The following BMPR1B variants were observed in gnomAD, a reference collection of about 807,000 sequenced individuals.
BMPR1B encodes bone morphogenetic protein receptor type 1B.
BMPR1B carries 12 observed loss-of-function variants against 59.1 expected under a neutral mutation model. That is an observed-to-expected ratio of 0.20 (90% CI 0.13 to 0.33). The LOEUF (loss-of-function observed/expected upper bound fraction) is 0.33, where lower values mean the gene tolerates loss of function less well. Among genes scored for constraint, BMPR1B ranks in the 10% least tolerant of loss-of-function variants. The probability of loss-of-function intolerance (pLI) is 1.00; values close to 1 mark genes in which losing one functional copy is unlikely to be tolerated. For synonymous variants in BMPR1B, 237 were observed against 207.3 expected (o/e 1.14, Z -1.23); for missense variants, 550 against 610.9 (o/e 0.90, Z 1.05).
At chr4:94,863,864 A>G (rs192520792) in intron 1 of BMPR1B, among the ~76,000 whole-genome samples, 164 of 152,342 alleles carry the variant, frequency 1.1e-3, no homozygotes, top group African/African-American at 3.5e-3. Flanking sequence ...AATAAGCACA[A>G]CATCTTCTAA....
At position 95,114,703 on chromosome 4, in the gene BMPR1B, G is replaced by A. The variant is rs376913841; in HGVS notation, c.144-17G>A. Reference sequence around the variant, plus strand: ...ACACACACATTCTGTTTCTCACTTTGCTTGTTTGATCTTCAGCACAGACGG... The same window carrying A: ...ACACACACATTCTGTTTCTCACTTTACTTGTTTGATCTTCAGCACAGACGG... On this transcript the variant is annotated splice_polypyrimidine_tract_variant and intron_variant, in intron 4 of 12. Coordinates refer to ENST00000515059, the MANE Select transcript of BMPR1B (RefSeq NM_001203.3). 104 of 1,595,282 alleles carry A rather than the reference G, an allele frequency of 6.5e-5. No individual in the cohort carries two copies. In the African/African-American group the frequency reaches 1.3e-3, roughly 19 times the overall value.
At chr4:94,998,287 G>T (rs1722196313) in intron 3 of BMPR1B, among the ~76,000 whole-genome samples, 1 of 151,744 alleles carries the variant, frequency 6.6e-6, no homozygotes, top group African/African-American at 2.4e-5. Flanking sequence ...AATGAATTTA[G>T]CTTGAAATAT....
chr4:94,801,829 A>G (rs111638697), intron 1 of BMPR1B, among the ~76,000 whole-genome samples: 6,140 of 152,290 alleles, frequency 0.04, 185 homozygotes, highest in South Asian at 0.083. Context: ...AGCAGTAGAT[A>G]AAATGAAGTT....
chr4:94,860,165 T>A (rs932120425), intron 1 of BMPR1B, among the ~76,000 whole-genome samples: 1 of 152,142 alleles, frequency 6.6e-6, no homozygotes, highest in African/African-American at 2.4e-5. Context: ...TTGAAAGAAT[T>A]TAACAAATTA....
intron 1 of BMPR1B, among the ~76,000 whole-genome samples, chr4:94,795,054 A>G (rs569259487): frequency 6.8e-4 from 94 of 139,100 alleles, no homozygotes; most frequent in African/African-American, 2.2e-3. Flanking sequence ...TTCCAACACT[A>G]TGTTGAATAG....
At chr4:95,037,288 A>G (rs1188765450) in intron 3 of BMPR1B, among the ~76,000 whole-genome samples, 1 of 152,210 alleles carries the variant, frequency 6.6e-6, no homozygotes, top group Non-Finnish European at 1.5e-5. Flanking sequence ...GCTGTAGGAG[A>G]AATAGCAATA....
At chr4:94,881,721 T>C (rs956012107) in intron 2 of BMPR1B, among the ~76,000 whole-genome samples, 1 of 152,152 alleles carries the variant, frequency 6.6e-6, no homozygotes, top group Non-Finnish European at 1.5e-5. Flanking sequence ...CGCCTTGGTC[T>C]CTCAAAGTGC....
At chr4:94,774,047 CTA>C (rs573134160) in intron 1 of BMPR1B, among the ~76,000 whole-genome samples, 76 of 152,122 alleles carry the variant, frequency 5.0e-4, no homozygotes, top group African/African-American at 1.8e-3. Flanking sequence ...TTTTAAGACA[CTA>C]TATTTTCATA....
intron 2 of BMPR1B, among the ~76,000 whole-genome samples, chr4:94,979,587 T>C (rs1731157338): frequency 6.6e-6 from 1 of 152,174 alleles, no homozygotes; most frequent in Non-Finnish European, 1.5e-5. Context: ...AGAGGAAAAA[T>C]ATCCCTTTAA....
intron 1 of BMPR1B, among the ~76,000 whole-genome samples, chr4:94,861,310 T>C (rs1246887885): frequency 3.3e-5 from 5 of 152,224 alleles, no homozygotes; most frequent in Admixed American, 1.3e-4. Context: ...TGATAATACA[T>C]GTAAAGTACT....
intron 1 of BMPR1B, among the ~76,000 whole-genome samples, chr4:94,809,676 A>G (rs1051947062): frequency 6.6e-6 from 1 of 152,240 alleles, no homozygotes; most frequent in African/African-American, 2.4e-5. Context: ...AGAAAAGAGA[A>G]ACAATCCTTT....
intron 1 of BMPR1B, among the ~76,000 whole-genome samples, chr4:94,805,577 G>A (rs569003850): frequency 9.2e-5 from 14 of 152,164 alleles, no homozygotes; most frequent in Non-Finnish European, 2.1e-4. Context: ...ACAATGAAAT[G>A]AATTTATAAC....
At chr4:95,013,953 A>C (rs1055028158) in intron 3 of BMPR1B, among the ~76,000 whole-genome samples, 3 of 152,172 alleles carry the variant, frequency 2.0e-5, no homozygotes, top group Admixed American at 6.5e-5. Flanking sequence ...AACTAGATCC[A>C]AGTGGCACAT....
chr4:95,157,819 C>T lies in BMPR1B; in HGVS notation c.*3146C>T, dbSNP rs1421938212. ...ATGTATGAGGAAACAGGCCTTTGACCTCCTGGAAAGCACTGCTCAAAAGTC... is the reference window on the plus strand; with the variant it reads ...ATGTATGAGGAAACAGGCCTTTGACTTCCTGGAAAGCACTGCTCAAAAGTC... On this transcript the variant is annotated 3_prime_UTR_variant, in exon 13 of 13. Transcript: ENST00000515059. 2 of 151,948 alleles carry T rather than the reference C, an allele frequency of 1.3e-5. No individual in the cohort carries two copies. The highest frequency in any genetic ancestry group is 1.9e-4 in the East Asian group (1 of 5,180). 9.4% of individuals were successfully genotyped at this position (151,948 alleles called of 1,614,324 possible).
intron 6 of BMPR1B, 95 bp from the exon 7 acceptor site, chr4:95,123,715 G>A (rs112248584): frequency 3.7e-5 from 35 of 953,282 alleles, no homozygotes; most frequent in Middle Eastern, 3.0e-4. Context: ...CATTTTGTGC[G>A]TGATACTTAG....
chr4:95,088,508 A>G (rs1176969131), intron 3 of BMPR1B, among the ~76,000 whole-genome samples: 1 of 152,136 alleles, frequency 6.6e-6, no homozygotes, highest in South Asian at 2.1e-4. Flanking sequence ...TTAGGATATA[A>G]TGATCCTAGA....
At chr4:94,853,183 A>G (rs1320688647) in intron 1 of BMPR1B, among the ~76,000 whole-genome samples, 1 of 152,122 alleles carries the variant, frequency 6.6e-6, no homozygotes, top group Non-Finnish European at 1.5e-5. Context: ...TAAAAAAGCA[A>G]CTCATTTATT....
rs192608527 is a variant in BMPR1B at position 94,810,497 on chromosome 4, C to T, written c.-183+52429C>T. Among the ~76,000 whole-genome samples the T allele has an allele frequency of 2.0e-5, 3 of 152,262 alleles. No individual in the cohort carries two copies. In the East Asian group the frequency reaches 5.8e-4, roughly 29 times the overall value. On this transcript the variant is annotated intron_variant, in intron 1 of 12. Coordinates refer to ENST00000515059, the MANE Select transcript of BMPR1B (RefSeq NM_001203.3). ...AATTTGATGTGGGAATGGAAACTTA[C>T]AGTAACTTGTGTTGTTGCCCAGAGG...
intron 1 of BMPR1B, among the ~76,000 whole-genome samples, chr4:94,863,476 G>A (rs116818940): frequency 6.6e-6 from 1 of 152,284 alleles, no homozygotes; most frequent in African/African-American, 2.4e-5. Context: ...CCAACAGAGT[G>A]GTGAATAACA....
Sources: gnomAD v4.1 joint callset for allele counts (sites outside exome capture counted in the v4.1 genomes callset) on GRCh38, gnomAD v4.1.1 for gene constraint, MANE v1.5 for transcripts, NCBI Gene and HGNC (gene_info 2026-07-23, HGNC 2026-07-21) for gene names.